The following PPP2R3A variants were observed in gnomAD, a reference collection of about 807,000 sequenced individuals.
PPP2R3A encodes the protein protein phosphatase 2 regulatory subunit B''alpha.
In PPP2R3A, 80 loss-of-function variants were observed where a neutral mutation model predicts 106.9. That is an observed-to-expected ratio of 0.75 (90% CI 0.62 to 0.90). The LOEUF (loss-of-function observed/expected upper bound fraction) is 0.90, where lower values mean the gene tolerates loss of function less well. Ranked by LOEUF, PPP2R3A falls within the 40% of genes least tolerant of loss-of-function variation. The pLI is 0.00. For synonymous variants in PPP2R3A, 483 were observed against 468.3 expected (o/e 1.03, Z -0.41); for missense variants, 1,386 against 1,350.4 (o/e 1.03, Z -0.41).
intron 5 of PPP2R3A, among the ~76,000 whole-genome samples, chr3:136,068,551 G>A (rs774176771): frequency 3.9e-5 from 6 of 152,068 alleles, no homozygotes; most frequent in Non-Finnish European, 7.4e-5. Context: ...TAGGAGAGAA[G>A]AGACAGCTCT....
At chr3:136,058,258 A>G (rs1372853404) in intron 5 of PPP2R3A, among the ~76,000 whole-genome samples, 1 of 152,196 alleles carries the variant, frequency 6.6e-6, no homozygotes, top group Admixed American at 6.5e-5. Context: ...ATGATCCTAT[A>G]TTTCAAAAAC....
intron 5 of PPP2R3A, among the ~76,000 whole-genome samples, chr3:136,059,424 A>G (rs766715421): frequency 3.3e-5 from 5 of 152,216 alleles, no homozygotes; most frequent in Admixed American, 6.5e-5. Flanking sequence ...CAAAATCACA[A>G]TGAGATACCA....
intron 6 of PPP2R3A, among the ~76,000 whole-genome samples, chr3:136,071,255 G>T (rs892136726): frequency 2.6e-5 from 4 of 152,212 alleles, no homozygotes. Flanking sequence ...AGCTAAACAG[G>T]GCCGTCTCCT....
At chr3:136,061,067 G>A (rs1936059702) in intron 5 of PPP2R3A, among the ~76,000 whole-genome samples, 1 of 152,082 alleles carries the variant, frequency 6.6e-6, no homozygotes, top group African/African-American at 2.4e-5. Flanking sequence ...TATGAAAACA[G>A]AATGCTGATA....
At chr3:135,999,582 A>G (rs2107785079) in intron 1 of PPP2R3A, among the ~76,000 whole-genome samples, 1 of 152,062 alleles carries the variant, frequency 6.6e-6, no homozygotes, top group South Asian at 2.1e-4. Context: ...AAATGATTTT[A>G]GACTGTAAAT....
intron 5 of PPP2R3A, among the ~76,000 whole-genome samples, chr3:136,063,159 A>G (rs1936139645): frequency 6.6e-6 from 1 of 152,302 alleles, no homozygotes; most frequent in East Asian, 1.9e-4. Context: ...TGACAAAAAC[A>G]AGCAATGGGG....
intron 10 of PPP2R3A, among the ~76,000 whole-genome samples, chr3:136,093,842 C>T (rs542688687): frequency 6.6e-6 from 1 of 152,282 alleles, no homozygotes; most frequent in Admixed American, 6.5e-5. Context: ...GACATTTCCT[C>T]AAATGGTTAA....
intron 13 of PPP2R3A, among the ~76,000 whole-genome samples, chr3:136,134,486 C>G (rs1012385246): frequency 2.6e-5 from 4 of 152,150 alleles, no homozygotes; most frequent in Non-Finnish European, 5.9e-5. Flanking sequence ...GTCATGGTAT[C>G]TGTGTCATAA....
chr3:136,090,531 T>C lies in PPP2R3A; in HGVS notation c.2838-47T>C. On this transcript the variant is annotated intron_variant, in intron 9 of 13. Transcript: ENST00000264977. ...CTTAGCCTATCATCCTGATAAATGG[T>C]TCTGAGTAATTGCTCAGGAAATTTT... is the stretch of plus-strand genomic sequence containing the variant. The C allele has an allele frequency of 2.1e-6, 3 of 1,462,196 alleles. No homozygotes were observed. The South Asian group carries it at 3.4e-5, about 17-fold the overall frequency. 90.6% of individuals were successfully genotyped at this position (1,462,196 alleles called of 1,614,324 possible). A position where few individuals can be genotyped will look rare whatever the true frequency, so the allele number is the denominator to read the frequency against.
intron 2 of PPP2R3A, among the ~76,000 whole-genome samples, chr3:136,008,480 AG>A (rs1488454129): frequency 6.6e-6 from 1 of 152,230 alleles, no homozygotes; most frequent in Non-Finnish European, 1.5e-5. Context: ...TTCTGACGTC[AG>A]GTACCTTTGC....
chr3:136,138,667 T>C (rs930336516), intron 13 of PPP2R3A, among the ~76,000 whole-genome samples: 2 of 148,024 alleles, frequency 1.4e-5, no homozygotes, highest in Non-Finnish European at 3.0e-5. Context: ...TCTGAAGCAT[T>C]ATAGACTCCA....
chr3:136,117,864 TA>T (rs1178119510), intron 13 of PPP2R3A, among the ~76,000 whole-genome samples: 6 of 152,154 alleles, frequency 3.9e-5, no homozygotes, highest in Non-Finnish European at 1.5e-5. Flanking sequence ...GAATCCTCCT[TA>T]ACTGATTTTA....
rs1160535378 is a variant in PPP2R3A, at chr3:136,030,778, A to ATATGTATG, written c.2262+3720_2262+3727dup. ...TTCCATCACATATATATATATATAT[A>ATATGTATG]TATGTATGTATGTATGTATGTATGT... On this transcript the variant is annotated intron_variant, in intron 3 of 13. Coordinates refer to ENST00000264977, the MANE Select transcript of PPP2R3A (RefSeq NM_002718.5). 2.8e-3 allele frequency among the ~76,000 whole-genome samples: 313 copies of ATATGTATG among 111,276 alleles called. 1 individual carries two copies. Among genetic ancestry groups the ATATGTATG allele is most frequent in the Non-Finnish European group, 5.2e-3 (264 of 51,178 alleles). The allele number at this position is 111,276 out of a possible 152,430, so 73.0% of individuals were successfully genotyped here.
At chr3:136,133,907 AAG>A (rs1553760292) in intron 13 of PPP2R3A, among the ~76,000 whole-genome samples, 4 of 150,686 alleles carry the variant, frequency 2.7e-5, no homozygotes, top group Admixed American at 2.0e-4. Flanking sequence ...AAAAAAAAAA[AAG>A]AAATTTACTA....
rs1937168008 is a variant in PPP2R3A at position 136,094,337 on chromosome 3, A to G, written c.2927+3670A>G. ...CTCTGTGAATGTTAAAAACCCTTGA[A>G]TTGTACATTTTAAAAGGAACAATTA... On this transcript the variant is annotated intron_variant, in intron 10 of 13. Transcript: ENST00000264977. Among the ~76,000 whole-genome samples the G allele has an allele frequency of 2.6e-5, 4 of 152,318 alleles. No individual in the cohort carries two copies. The South Asian group carries it at 8.3e-4, about 32-fold the overall frequency.
At chr3:136,030,603 T>C (rs898491859) in intron 3 of PPP2R3A, among the ~76,000 whole-genome samples, 1 of 151,944 alleles carries the variant, frequency 6.6e-6, no homozygotes. Flanking sequence ...TCTTATGCCT[T>C]TGCATCCTCA....
intron 3 of PPP2R3A, among the ~76,000 whole-genome samples, chr3:136,032,542 T>C (rs893000760): frequency 1.3e-5 from 2 of 149,694 alleles, no homozygotes; most frequent in Non-Finnish European, 3.0e-5. Flanking sequence ...TTTTTTTTTT[T>C]CCTGAGACGG....
intron 13 of PPP2R3A, among the ~76,000 whole-genome samples, chr3:136,124,779 A>G (rs1000145911): frequency 6.6e-6 from 1 of 152,126 alleles, no homozygotes; most frequent in African/African-American, 2.4e-5. Flanking sequence ...AAAAAGAGAA[A>G]AGGTATAAAT....
intron 5 of PPP2R3A, among the ~76,000 whole-genome samples, chr3:136,061,942 A>AAC (rs1176221481): frequency 1.3e-5 from 2 of 151,792 alleles, no homozygotes; most frequent in African/African-American, 2.4e-5. Context: ...AAAAAAAAAA[A>AAC]AAAACACTGA....
Sources: gnomAD v4.1 joint callset for allele counts (sites outside exome capture counted in the v4.1 genomes callset) on GRCh38, gnomAD v4.1.1 for gene constraint, MANE v1.5 for transcripts, NCBI Gene and HGNC (gene_info 2026-07-23, HGNC 2026-07-21) for gene names.